Variants in MEGF6 observed in about 807,000 individuals in gnomAD.
MEGF6 encodes the protein multiple epidermal growth factor-like domains protein 6.
A neutral mutation model predicts 207.1 loss-of-function variants in MEGF6; 184 were observed. The ratio of observed to expected loss-of-function variants is 0.89; its 90% CI spans 0.79 to 1.00. The LOEUF is 1.00. MEGF6 is among the 50% of genes least tolerant of loss of function. The pLI is 0.00. For missense variants in MEGF6, 2,282 were observed against 2,202.9 expected (o/e 1.04, Z -0.72); for synonymous variants, 1,038 against 910.0 (o/e 1.14, Z -2.53).
chr1:3,531,324 G>C, intron 4 of MEGF6: 5 of 1,231,746 alleles, frequency 4.1e-6, no homozygotes, highest in Non-Finnish European at 4.0e-6. Flanking sequence ...CGACGGGGCA[G>C]GCGGCTCGGG....
chr1:3,533,480 C>A (rs1051819861), intron 4 of MEGF6, among the ~76,000 whole-genome samples: 6 of 152,272 alleles, frequency 3.9e-5, no homozygotes, highest in Admixed American at 3.9e-4. Context: ...CAACAACTCA[C>A]CAGTTAGTGC....
intron 1 of MEGF6, among the ~76,000 whole-genome samples, chr1:3,606,117 G>A (rs1644246646): frequency 6.6e-6 from 1 of 152,238 alleles, no homozygotes; most frequent in African/African-American, 2.4e-5. Context: ...TTGGAGGGCA[G>A]AACTCGTGAT....
intron 4 of MEGF6, among the ~76,000 whole-genome samples, chr1:3,528,442 C>T (rs896882362): frequency 6.6e-6 from 1 of 152,184 alleles, no homozygotes; most frequent in Non-Finnish European, 1.5e-5. Flanking sequence ...CCTTTCAGGA[C>T]AATGTGGTCA....
At chr1:3,506,305 G>C in intron 14 of MEGF6, 69 bp from the exon 15 acceptor site, 1 of 1,553,858 alleles carries the variant, frequency 6.4e-7, no homozygotes, top group South Asian at 1.2e-5. Flanking sequence ...CCCCCATGTG[G>C]TAGGATGCGC....
At chr1:3,551,475 T>A (rs1400544978) in intron 4 of MEGF6, among the ~76,000 whole-genome samples, 3 of 152,088 alleles carry the variant, frequency 2.0e-5, no homozygotes, top group Non-Finnish European at 4.4e-5. Context: ...GTGCCTCCCC[T>A]GGGACCAGGC....
Position 3,509,914 on chromosome 1 carries a change from C to T in MEGF6, c.1313G>A (p.Cys438Tyr). Residue 438 changes from cysteine (C) to tyrosine (Y), a missense_variant, in exon 11 of 37, where the codon TGC (cysteine) becomes TAC (tyrosine). Transcript: ENST00000356575. ...CTCGTGCAGCCGGTAGCCGGCCTCG[C>T]AGGAGCACTGGAAGGAGCCGGCCAG... is the stretch of plus-strand genomic sequence containing the variant. ...TNLAGSFQCSCEAGYRLHEDR... is the reference protein window; with the variant it reads ...TNLAGSFQCSYEAGYRLHEDR... 1.3e-6 allele frequency: 2 copies of T among 1,566,676 alleles called. No individual in the cohort carries two copies. The highest frequency in any genetic ancestry group is 1.7e-6 in the Non-Finnish European group (2 of 1,158,898).
chr1:3,516,532 C>T (rs190250525), intron 5 of MEGF6, among the ~76,000 whole-genome samples: 155 of 152,324 alleles, frequency 1.0e-3, no homozygotes, highest in African/African-American at 3.6e-3. Flanking sequence ...TTTGAGATGC[C>T]GCCTCCTCTG....
At chr1:3,563,274 C>A (rs574202788) in intron 4 of MEGF6, among the ~76,000 whole-genome samples, 2 of 152,184 alleles carry the variant, frequency 1.3e-5, no homozygotes, top group Admixed American at 1.3e-4. Flanking sequence ...TCACATATGG[C>A]CACGACGCTG....
chr1:3,622,372 C>T, the MEGF6 span, among the ~76,000 whole-genome samples: 1 of 152,282 alleles, frequency 6.6e-6, no homozygotes, highest in East Asian at 1.9e-4. Context: ...TTGCCTTCCG[C>T]CATGATTGTA....
At position 3,499,226 on chromosome 1, in the gene MEGF6, G is replaced by A. The variant is rs1347925984; in HGVS notation, c.3006C>T (p.Ala1002=). The A allele has an allele frequency of 6.2e-7, 1 of 1,606,122 alleles. No individual in the cohort carries two copies. Among genetic ancestry groups the A allele is most frequent in the Non-Finnish European group, 8.5e-7 (1 of 1,177,534 alleles). ...AHTYGHNCSQ[A]CACFNGASCD... The stretch of plus-strand genomic sequence containing the variant: ...AGGAGGCCCCGTTAAAGCAGGCACA[G>A]GCCTGGCTGCAATTGTGCCCGTAGG... The change falls in exon 24 of 37, where the codon GCC becomes GCT. Residue 1002 remains alanine, a synonymous_variant. Transcript: ENST00000356575.
chr1:3,521,810 C>T (rs1490879138), intron 5 of MEGF6, among the ~76,000 whole-genome samples: 1 of 152,216 alleles, frequency 6.6e-6, no homozygotes, highest in South Asian at 2.1e-4. Context: ...CACACAGAGG[C>T]CACCATGGGC....
At chr1:3,546,591 G>A (rs1642712250) in intron 4 of MEGF6, among the ~76,000 whole-genome samples, 1 of 150,800 alleles carries the variant, frequency 6.6e-6, no homozygotes, top group African/African-American at 2.4e-5. Context: ...GAGGCGGGGT[G>A]GCAGTGGGCT....
intron 4 of MEGF6, among the ~76,000 whole-genome samples, chr1:3,541,771 G>A (rs1030168258): frequency 1.3e-5 from 2 of 152,136 alleles, no homozygotes; most frequent in Non-Finnish European, 2.9e-5. Context: ...GAGTGGGCGG[G>A]GATGGGTGGG....
At position 3,515,455 on chromosome 1, in the gene MEGF6, C is replaced by T. The variant is rs375609074; in HGVS notation, c.677G>A (p.Arg226His). ...HCVQLTITRH[R>H]CQCRPGFQLQ... ...CTGGAACCCGGGCCGGCACTGGCAG[C>T]GATGCCGAGTGATTGTGAGCTGGAC... The change falls in exon 6 of 37, where the codon CGC becomes CAC. Residue 226 changes from arginine to histidine, a missense_variant. Arg to His is a conservative substitution (Grantham distance 29, BLOSUM62 0). Transcript: ENST00000356575. The T allele has an allele frequency of 1.9e-5, 30 of 1,612,564 alleles. No homozygotes were observed. Among genetic ancestry groups the T allele is most frequent in the South Asian group, 4.4e-5 (4 of 91,088 alleles).
intron 5 of MEGF6, among the ~76,000 whole-genome samples, chr1:3,517,344 G>A (rs557224982): frequency 7.2e-5 from 11 of 152,168 alleles, no homozygotes; most frequent in Non-Finnish European, 1.5e-4. Flanking sequence ...AGGGACCACC[G>A]GGCATGGCGC....
At chr1:3,562,307 T>G (rs996897790) in intron 4 of MEGF6, among the ~76,000 whole-genome samples, 4 of 152,234 alleles carry the variant, frequency 2.6e-5, no homozygotes, top group Non-Finnish European at 5.9e-5. Flanking sequence ...TCGCTGTGTC[T>G]CTGTCTCTTG....
In MEGF6 at chr1:3,509,126, C is replaced by G. The variant is rs755873456; in HGVS notation, c.1477G>C (p.Asp493His). ...QLFQDDDVGA[D>H]EEEAELRGEH... ...CCCCGCAACTCTGCCTCTTCCTCAT[C>G]GGCCCCGACGTCGTCATCCTGGAAG... Residue 493 changes from aspartate (D) to histidine (H), a missense_variant, in exon 12 of 37, where the codon GAT becomes CAT. Coordinates refer to ENST00000356575, the MANE Select transcript of MEGF6 (RefSeq NM_001409.4). The G allele has an allele frequency of 6.2e-7, 1 of 1,601,258 alleles. No homozygotes were observed. Among genetic ancestry groups the G allele is most frequent in the Non-Finnish European group, 8.5e-7 (1 of 1,174,718 alleles).
In MEGF6 at chr1:3,501,221, G is replaced by C. The variant is rs1223216811; in HGVS notation, c.2402C>G (p.Ala801Gly). ...GACGAAGCCAGGGAGGCACAGGCAG[G>C]CTCCGGTCTCAGGGTCGCAGCGGGC... ...HAARCDPETG[A>G]CLCLPGFVGS... Residue 801 changes from alanine to glycine, a missense_variant, in exon 19 of 37, where the codon GCC becomes GGC. Transcript: ENST00000356575. 2 of 1,612,204 alleles carry C rather than the reference G, an allele frequency of 1.2e-6. No homozygotes were observed. The highest frequency in any genetic ancestry group is 2.2e-5 in the South Asian group (2 of 91,058).
At chr1:3,548,349 G>A (rs1049470744) in intron 4 of MEGF6, among the ~76,000 whole-genome samples, 7 of 152,254 alleles carry the variant, frequency 4.6e-5, no homozygotes, top group African/African-American at 1.7e-4. Flanking sequence ...CAAAGGCCTC[G>A]GGGCGGCCAC....
Sources: gnomAD v4.1 joint callset for allele counts (sites outside exome capture counted in the v4.1 genomes callset) on GRCh38, gnomAD v4.1.1 for gene constraint, MANE v1.5 for transcripts, NCBI Gene and HGNC (gene_info 2026-07-23, HGNC 2026-07-21) for gene names.